The following PNPLA7 variants were observed in gnomAD, a reference collection of about 807,000 sequenced individuals.
PNPLA7 encodes the protein patatin like domain 7, lysophospholipase.
PNPLA7 carries 153 observed loss-of-function variants against 161.7 expected under a neutral mutation model. That is an observed-to-expected ratio of 0.95 (90% CI 0.83 to 1.08). The LOEUF is 1.08. Among genes scored for constraint, PNPLA7 ranks in the 50% least tolerant of loss-of-function variants. PNPLA7 has a pLI of 0.00. For missense variants in PNPLA7, 1,739 were observed against 1,856.6 expected, an observed-to-expected ratio of 0.94 and a Z score of 1.16; for synonymous variants, 809 against 782.1, an observed-to-expected ratio of 1.03 and a Z score of -0.57.
intron 9 of PNPLA7, among the ~76,000 whole-genome samples, 181 bp from the exon 10 acceptor site, chr9:137,521,897 C>T (rs1280952074): frequency 2.6e-5 from 4 of 152,206 alleles, no homozygotes; most frequent in African/African-American, 9.6e-5. Flanking sequence ...AACACGTTCA[C>T]ATCACGGGGA....
intron 8 of PNPLA7, among the ~76,000 whole-genome samples, chr9:137,539,095 T>C (rs1836049529): frequency 6.6e-6 from 1 of 152,026 alleles, no homozygotes; most frequent in Non-Finnish European, 1.5e-5. Context: ...GGCTCACGCC[T>C]GTAATTCCAG....
rs567315340 is a variant in PNPLA7, at chr9:137,519,683, G to A, written c.1084+234C>T. On this transcript the variant is annotated intron_variant, in intron 11 of 34. Transcript: ENST00000406427. Reference sequence around the variant, plus strand: ...GGGCATGTGAGGTGACCTGGGGCACGTGTGAGGGGACCTGAGGCACGTGAG... The same window carrying A: ...GGGCATGTGAGGTGACCTGGGGCACATGTGAGGGGACCTGAGGCACGTGAG... Among the ~76,000 whole-genome samples the A allele has an allele frequency of 6.4e-4, 96 of 150,326 alleles. 1 individual carries two copies. Among genetic ancestry groups the A allele is most frequent in the African/African-American group, 2.2e-3 (91 of 40,906 alleles).
At chr9:137,477,938 C>T (rs1832017003) in intron 25 of PNPLA7, 96 bp downstream of exon 25, 3 of 1,029,666 alleles carry the variant, frequency 2.9e-6, no homozygotes, top group Non-Finnish European at 2.5e-6. Flanking sequence ...GCGGGTGACA[C>T]CCCCTGTCCC....
chr9:137,492,294 C>T (rs923317433), intron 20 of PNPLA7: 18 of 985,054 alleles, frequency 1.8e-5, no homozygotes, highest in East Asian at 1.1e-4. Flanking sequence ...ATACCGTTTC[C>T]GGAGGTTTCA....
intron 11 of PNPLA7, chr9:137,516,719 G>A (rs1474687478): frequency 6.1e-6 from 1 of 162,892 alleles, no homozygotes; most frequent in African/African-American, 2.4e-5. Flanking sequence ...TCAGGAGGCT[G>A]ACGCAGGAGA....
At chr9:137,484,862 CG>C in intron 20 of PNPLA7, 126 bp from the exon 21 acceptor site, 1 of 1,188,448 alleles carries the variant, frequency 8.4e-7, no homozygotes, top group South Asian at 1.6e-5. Flanking sequence ...CTGGCCCTCC[CG>C]CCTCCCCAGT....
At chr9:137,542,323 G>C (rs111418244) in intron 7 of PNPLA7, among the ~76,000 whole-genome samples, 54 of 151,992 alleles carry the variant, frequency 3.6e-4, no homozygotes, top group Non-Finnish European at 7.6e-4. Context: ...TTTTATAAGT[G>C]AGCTGGGCAT....
At chr9:137,539,136 G>T (rs1297582832) in intron 8 of PNPLA7, among the ~76,000 whole-genome samples, 1 of 152,076 alleles carries the variant, frequency 6.6e-6, no homozygotes, top group African/African-American at 2.4e-5. Context: ...GGCAGATTAT[G>T]AGGTCAGGAG....
intron 8 of PNPLA7, among the ~76,000 whole-genome samples, chr9:137,527,150 C>T (rs1388893294): frequency 6.6e-6 from 1 of 151,012 alleles, no homozygotes; most frequent in East Asian, 2.0e-4. Flanking sequence ...GCCTGTAGTC[C>T]CAGCTACTTG....
At chr9:137,466,865 A>T (rs1441735017) in intron 26 of PNPLA7, among the ~76,000 whole-genome samples, 5 of 139,902 alleles carry the variant, frequency 3.6e-5, no homozygotes, top group Admixed American at 1.4e-4. Context: ...GGCACGGATC[A>T]GACCACCTCC....
intron 8 of PNPLA7, among the ~76,000 whole-genome samples, chr9:137,529,458 A>T (rs1032191803): frequency 1.3e-5 from 2 of 152,076 alleles, no homozygotes; most frequent in Non-Finnish European, 2.9e-5. Flanking sequence ...TGGGTTTAGG[A>T]TATAATTTTC....
chr9:137,480,342 G>A lies in PNPLA7; in HGVS notation c.2550C>T (p.Gly850=). ...CCACTGTGGGCTCCTGGTCACCCAGGCCCACGATGAGGATGCAGTCGGCCT... is the reference window on the plus strand; with the variant it reads ...CCACTGTGGGCTCCTGGTCACCCAGACCCACGATGAGGATGCAGTCGGCCT... ...VRQADCILIV[G]LGDQEPTVGE... is the part of the protein sequence containing the mutation. Residue 850 remains glycine, a synonymous_variant, in exon 23 of 35, where the codon GGC becomes GGT. Transcript: ENST00000406427. 6.2e-7 allele frequency: 1 copy of A among 1,613,092 alleles called. No individual in the cohort carries two copies. The highest frequency in any genetic ancestry group is 8.5e-7 in the Non-Finnish European group (1 of 1,179,918).
chr9:137,520,184 G>A lies in PNPLA7; in HGVS notation c.958-141C>T, dbSNP rs1834914457. ...GGCCCCTCAAAGGTGTGACAGGTGT[G>A]GGACTCTCAAAGGTGTGACAGGTGT... On this transcript the variant is annotated intron_variant, in intron 10 of 34. Transcript: ENST00000406427. The surrounding 1 kb of genome is among the most constrained non-coding windows in gnomAD (Gnocchi z 5.2). The A allele has an allele frequency of 7.9e-7, 1 of 1,264,978 alleles. No individual in the cohort carries two copies. Among genetic ancestry groups the A allele is most frequent in the African/African-American group, 1.5e-5 (1 of 66,822 alleles). 78.4% of individuals were successfully genotyped at this position (1,264,978 alleles called of 1,614,324 possible).
intron 12 of PNPLA7, among the ~76,000 whole-genome samples, chr9:137,508,069 T>C (rs1057140391): frequency 1.1e-4 from 17 of 151,968 alleles, no homozygotes; most frequent in Admixed American, 2.0e-4. Context: ...GGGCCACACC[T>C]GTGGTCCCAG....
rs1835924779 is a variant in PNPLA7, at chr9:137,536,914, A to C, written c.747+3728T>G. Among the ~76,000 whole-genome samples, 9 of 150,946 alleles carry C rather than the reference A, an allele frequency of 6.0e-5. No homozygotes were observed. In the South Asian group the frequency reaches 1.7e-3, roughly 28 times the overall value. On this transcript the variant is annotated intron_variant, in intron 8 of 34. Transcript: ENST00000406427. ...TGAGCCATACTTCATCTCCCACGACAGGAAGCATGGGGGCCATCCTCCGAG... is the reference window on the plus strand; with the variant it reads ...TGAGCCATACTTCATCTCCCACGACCGGAAGCATGGGGGCCATCCTCCGAG...
rs553260155 is a variant in PNPLA7, at chr9:137,522,449, C to T, written c.876+280G>A. Among the ~76,000 whole-genome samples the T allele has an allele frequency of 3.2e-4, 48 of 152,324 alleles. 1 individual carries two copies. The highest frequency in any genetic ancestry group is 2.6e-3 in the Admixed American group (40 of 15,302). ...TCGTGATCCGCCCGCCTCGGCCTCC[C>T]ACAGTGCTGGGGTTACAGGCGTGAG... On this transcript the variant is annotated intron_variant, in intron 9 of 34. Transcript: ENST00000406427.
intron 21 of PNPLA7, among the ~76,000 whole-genome samples, chr9:137,483,152 G>GT (rs1267021304): frequency 6.6e-6 from 1 of 151,678 alleles, no homozygotes; most frequent in Non-Finnish European, 1.5e-5. Flanking sequence ...GATTACAGGC[G>GT]TGAGCCACCA....
chr9:137,514,064 C>G (rs528220426), intron 12 of PNPLA7, among the ~76,000 whole-genome samples: 1 of 152,206 alleles, frequency 6.6e-6, no homozygotes, highest in Non-Finnish European at 1.5e-5. Flanking sequence ...GTGGGCGGGT[C>G]ACCTGACTGT....
chr9:137,489,716 T>TTTTTTTTTTTTTTTTTTTTTTTTTTG (rs1832677105), intron 20 of PNPLA7, among the ~76,000 whole-genome samples: 2 of 152,100 alleles, frequency 1.3e-5, no homozygotes, highest in African/African-American at 4.8e-5. Context: ...AACATTTTTT[T>TTTTTTTTTTTTTTTTTTTTTTTTTTG]AAAACTCTCT....
Sources: gnomAD v4.1 joint callset for allele counts (sites outside exome capture counted in the v4.1 genomes callset) on GRCh38, gnomAD v4.1.1 for gene constraint, Gnocchi (gnomAD v3.1) non-coding constraint, MANE v1.5 for transcripts, NCBI Gene and HGNC (gene_info 2026-07-23, HGNC 2026-07-21) for gene names.